Variants in ERICH1 observed in about 807,000 individuals in gnomAD.
The protein encoded by ERICH1 is glutamate rich 1.
ERICH1 carries 56 observed loss-of-function variants against 39.6 expected under a neutral mutation model. The observed-to-expected ratio is 1.41, with a 90% CI of 1.14 to 1.77. The LOEUF (loss-of-function observed/expected upper bound fraction) is 1.77, where lower values mean the gene tolerates loss of function less well. ERICH1 is among the 40% of genes most tolerant of loss of function. ERICH1 has a pLI of 0.00. For synonymous variants in ERICH1, 313 were observed against 223.6 expected (o/e 1.40, Z -3.57); for missense variants, 826 against 575.4 (o/e 1.44, Z -4.45).
chr8:679,166 A>G (rs994731016), intron 3 of ERICH1, among the ~76,000 whole-genome samples: 86 of 99,852 alleles, frequency 8.6e-4, no homozygotes, highest in Non-Finnish European at 1.5e-3. Context: ...CACAGCTCCC[A>G]CCCCTCACAG....
chr8:720,130 C>G (rs751642662), intron 1 of ERICH1, among the ~76,000 whole-genome samples: 6 of 152,234 alleles, frequency 3.9e-5, no homozygotes, highest in Admixed American at 6.5e-5. Context: ...AAATCACTGA[C>G]TGCTCTGCAC....
At chr8:637,884 C>A (rs1385181354) in intron 3 of ERICH1, among the ~76,000 whole-genome samples, 1 of 152,254 alleles carries the variant, frequency 6.6e-6, no homozygotes, top group Non-Finnish European at 1.5e-5. Context: ...CAACATGTAG[C>A]CTGCTCTGGC....
intron 2 of ERICH1, among the ~76,000 whole-genome samples, chr8:701,829 C>G (rs189093839): frequency 6.6e-6 from 1 of 152,022 alleles, no homozygotes. Context: ...CGGTTGCTCA[C>G]GCATGTAATC....
At chr8:699,093 C>T (rs1422604088) in intron 2 of ERICH1, among the ~76,000 whole-genome samples, 8 of 151,960 alleles carry the variant, frequency 5.3e-5, no homozygotes, top group Non-Finnish European at 1.2e-4. Context: ...ACGGCCTGCG[C>T]AACACAGGGA....
At chr8:706,862 A>G (rs889752141) in intron 2 of ERICH1, among the ~76,000 whole-genome samples, 2 of 152,232 alleles carry the variant, frequency 1.3e-5, no homozygotes, top group African/African-American at 2.4e-5. Flanking sequence ...AATAAACAAA[A>G]AGACATCCTA....
At chr8:669,099 G>A (rs1802768127) in intron 4 of ERICH1, 2 of 294,802 alleles carry the variant, frequency 6.8e-6, no homozygotes, top group African/African-American at 2.5e-5. Context: ...CTGGTGAGAC[G>A]CCTCCCCTGG....
At chr8:721,731 G>A (rs546476768) in intron 1 of ERICH1, among the ~76,000 whole-genome samples, 2 of 152,214 alleles carry the variant, frequency 1.3e-5, no homozygotes, top group South Asian at 2.1e-4. Flanking sequence ...GCTCTACTTC[G>A]CGACTAATAC....
chr8:664,809 A>G (rs1445966866), intron 5 of ERICH1, 133 bp from the exon 6 acceptor site: 2 of 634,862 alleles, frequency 3.2e-6, no homozygotes, highest in African/African-American at 3.7e-5. Flanking sequence ...CAACTTTGGC[A>G]TGAAACTGAT....
At chr8:637,845 C>G (rs571656063) in intron 3 of ERICH1, among the ~76,000 whole-genome samples, 2 of 152,226 alleles carry the variant, frequency 1.3e-5, no homozygotes, top group Non-Finnish European at 2.9e-5. Context: ...ACCAGCCGTG[C>G]GAGAGCACAG....
intron 3 of ERICH1, among the ~76,000 whole-genome samples, chr8:630,452 C>T (rs1374790012): frequency 1.5e-5 from 2 of 136,802 alleles, no homozygotes; most frequent in East Asian, 2.4e-4. Flanking sequence ...TCACACCCTC[C>T]CGTGAGCACC....
Position 619,278 on chromosome 8 carries a change from C to T in ERICH1, c.977-3994G>A, listed in dbSNP as rs867051766. Reference sequence around the variant, plus strand: ...TGACCCATCGCGCACAAGGAGGCCCCGGTGAGACCCACCGCGCACGAGGGG... The same window carrying T: ...TGACCCATCGCGCACAAGGAGGCCCTGGTGAGACCCACCGCGCACGAGGGG... On this transcript the variant is annotated intron_variant, in intron 3 of 3. Coordinates refer to the ERICH1 transcript ENST00000522706. 1.9e-4 allele frequency among the ~76,000 whole-genome samples: 29 copies of T among 152,178 alleles called. 1 individual carries two copies. The Middle Eastern group carries it at 0.01, about 54-fold the overall frequency.
intron 2 of ERICH1, among the ~76,000 whole-genome samples, chr8:707,778 AG>A (rs537242255): frequency 1.9e-4 from 29 of 152,366 alleles, no homozygotes; most frequent in African/African-American, 6.5e-4. Flanking sequence ...AGGCAACAAA[AG>A]AAAAAATAGA....
rs192290635 is a variant in ERICH1 at position 655,943 on chromosome 8, G to A, written c.976+12655C>T. 3.7e-3 allele frequency among the ~76,000 whole-genome samples: 561 copies of A among 152,030 alleles called. 6 individuals are homozygous for A. Among genetic ancestry groups the A allele is most frequent in the Middle Eastern group, 0.01 (3 of 294 alleles). ...GCTGTTCTCGCAGTTACACCCAATC[G>A]CAACAGGTCCCTCCCCCTGCCCAGG... On this transcript the variant is annotated intron_variant, in intron 3 of 3. Coordinates refer to the ERICH1 transcript ENST00000522706.
chr8:617,730 T>G (rs1345488815), intron 3 of ERICH1, among the ~76,000 whole-genome samples: 1 of 151,572 alleles, frequency 6.6e-6, no homozygotes, highest in African/African-American at 2.4e-5. Flanking sequence ...TACTGCCCTA[T>G]GAGTGCTCAG....
At chr8:628,089 G>C (rs545279663) in intron 3 of ERICH1, among the ~76,000 whole-genome samples, 15 of 152,374 alleles carry the variant, frequency 9.8e-5, no homozygotes, top group African/African-American at 2.9e-4. Flanking sequence ...CCCTGCCCGA[G>C]ACCACAGAGG....
intron 3 of ERICH1, among the ~76,000 whole-genome samples, chr8:651,762 C>T (rs371138990): frequency 6.7e-6 from 1 of 148,878 alleles, no homozygotes; most frequent in South Asian, 2.1e-4. Flanking sequence ...TGAGACGGAG[C>T]GGGAGGGGAG....
intron 1 of ERICH1, among the ~76,000 whole-genome samples, chr8:728,966 A>G (rs1282267627): frequency 6.6e-6 from 1 of 152,104 alleles, no homozygotes; most frequent in Non-Finnish European, 1.5e-5. Context: ...CTGACTGCCA[A>G]CCTTTCCACC....
intron 1 of ERICH1, among the ~76,000 whole-genome samples, chr8:720,442 C>T (rs79317256): frequency 0.023 from 3,508 of 152,282 alleles, 61 homozygotes; most frequent in Middle Eastern, 0.037. Flanking sequence ...GAAGAGCATG[C>T]AACTACTTAA....
chr8:724,906 C>T (rs572414341), intron 1 of ERICH1, among the ~76,000 whole-genome samples: 5 of 152,236 alleles, frequency 3.3e-5, no homozygotes, highest in Admixed American at 1.3e-4. Context: ...GCCCGGACCA[C>T]GAGGGAGCCA....
Sources: gnomAD v4.1 joint callset for allele counts (sites outside exome capture counted in the v4.1 genomes callset) on GRCh38, gnomAD v4.1.1 for gene constraint, MANE v1.5 for transcripts, NCBI Gene and HGNC (gene_info 2026-07-23, HGNC 2026-07-21) for gene names.